Variants in UBE2D1 observed in about 807,000 individuals in gnomAD.
The protein encoded by UBE2D1 is ubiquitin-conjugating enzyme E2 D1.
UBE2D1 carries 9 observed loss-of-function variants against 24.6 expected under a neutral mutation model. That is an observed-to-expected ratio of 0.37 (90% CI 0.22 to 0.64). The LOEUF (loss-of-function observed/expected upper bound fraction) is 0.64. Among genes scored for constraint, UBE2D1 ranks in the 30% least tolerant of loss-of-function variants. The pLI is 0.64. For missense variants in UBE2D1, 87 were observed against 177.1 expected, an observed-to-expected ratio of 0.49 and a Z score of 2.89; for synonymous variants, 57 against 57.6, an observed-to-expected ratio of 0.99 and a Z score of 0.04.
intron 5 of UBE2D1, among the ~76,000 whole-genome samples, chr10:58,365,338 A>G (rs1439287848): frequency 6.6e-6 from 1 of 152,190 alleles, no homozygotes; most frequent in African/African-American, 2.4e-5. Flanking sequence ...AGTAAAAGGA[A>G]GATTTTGGGA....
At chr10:58,339,891 T>G (rs1477833689) in intron 1 of UBE2D1, among the ~76,000 whole-genome samples, 2 of 152,156 alleles carry the variant, frequency 1.3e-5, no homozygotes, top group Non-Finnish European at 2.9e-5. Context: ...TCAAGGATCC[T>G]TCTCTTCCAC....
chr10:58,360,913 T>G (rs536371983), intron 1 of UBE2D1: 128 of 446,350 alleles, frequency 2.9e-4, no homozygotes, highest in African/African-American at 2.5e-3. Context: ...CAAAGTGAGA[T>G]CCTGTCTCAA....
chr10:58,358,863 C>T (rs1022410589), intron 1 of UBE2D1, among the ~76,000 whole-genome samples: 6 of 151,134 alleles, frequency 4.0e-5, no homozygotes, highest in Non-Finnish European at 7.4e-5. Context: ...TGGGTTCAGG[C>T]GACCCTCCTG....
intron 1 of UBE2D1, among the ~76,000 whole-genome samples, chr10:58,355,720 G>T (rs1336018457): frequency 1.3e-5 from 2 of 152,114 alleles, no homozygotes; most frequent in Non-Finnish European, 2.9e-5. Context: ...CAAAAAAGTT[G>T]TTAAAATAAT....
At chr10:58,335,483 C>G (rs962984010) in intron 1 of UBE2D1, among the ~76,000 whole-genome samples, 2 of 152,372 alleles carry the variant, frequency 1.3e-5, no homozygotes, top group African/African-American at 4.8e-5. Context: ...TCCCGGAGCC[C>G]CAGGGTAGAG....
In UBE2D1 at chr10:58,342,490, G is replaced by A. The variant is rs368062910; in HGVS notation, c.24+7265G>A. The stretch of plus-strand genomic sequence containing the variant: ...GCGAGCAGAGTTTGGGAGTAGTATG[G>A]TTGGATTGTCTAGAGAAAACCAAGT... On this transcript the variant is annotated intron_variant, in intron 1 of 6. Coordinates refer to ENST00000373910, the MANE Select transcript of UBE2D1 (RefSeq NM_003338.5). Among the ~76,000 whole-genome samples the A allele has an allele frequency of 4.6e-5, 7 of 152,172 alleles. No homozygotes were observed. In the South Asian group the frequency reaches 6.2e-4, roughly 14 times the overall value.
chr10:58,356,442 A>G (rs1356513289), intron 1 of UBE2D1, among the ~76,000 whole-genome samples: 1 of 152,114 alleles, frequency 6.6e-6, no homozygotes, highest in African/African-American at 2.4e-5. Flanking sequence ...ATAGCTACTC[A>G]GTATTTCATA....
At chr10:58,366,212 A>G (rs527640168) in intron 5 of UBE2D1, among the ~76,000 whole-genome samples, 3 of 152,364 alleles carry the variant, frequency 2.0e-5, no homozygotes, top group African/African-American at 7.2e-5. Flanking sequence ...ACTGCCAGAT[A>G]TTGAGTACTT....
chr10:58,356,527 C>T (rs1840133003), intron 1 of UBE2D1, among the ~76,000 whole-genome samples: 1 of 152,080 alleles, frequency 6.6e-6, no homozygotes, highest in Non-Finnish European at 1.5e-5. Context: ...CATACTTATA[C>T]AAGATGCTGC....
chr10:58,341,477 T>G (rs1349191489), intron 1 of UBE2D1, among the ~76,000 whole-genome samples: 1 of 152,320 alleles, frequency 6.6e-6, no homozygotes, highest in East Asian at 1.9e-4. Context: ...TCCTTGATAC[T>G]GTATTTTTCT....
At chr10:58,367,787 AAATAT>A in intron 5 of UBE2D1, 131 bp from the exon 6 acceptor site, 1 of 446,220 alleles carries the variant, frequency 2.2e-6, no homozygotes, top group Non-Finnish European at 3.8e-6. Context: ...AAGTAGAATA[AAATAT>A]AATTTGATGT....
chr10:58,347,334 A>AT (rs1840027594), intron 1 of UBE2D1, among the ~76,000 whole-genome samples: 1 of 152,180 alleles, frequency 6.6e-6, no homozygotes, highest in Non-Finnish European at 1.5e-5. Context: ...GAATAAATGC[A>AT]TTTTTACTGT....
intron 1 of UBE2D1, among the ~76,000 whole-genome samples, chr10:58,352,812 T>C (rs1588999956): frequency 6.6e-6 from 1 of 152,232 alleles, no homozygotes; most frequent in Non-Finnish European, 1.5e-5. Flanking sequence ...TTATTTTTAC[T>C]AGTTCCTTAT....
At chr10:58,368,120 T>TA (rs1840276942) in intron 6 of UBE2D1, 104 bp downstream of exon 6, 3 of 788,026 alleles carry the variant, frequency 3.8e-6, no homozygotes, top group South Asian at 1.8e-5. Context: ...TTATGGTTGT[T>TA]ATATGTATAT....
At chr10:58,342,311 T>C (rs1357662849) in intron 1 of UBE2D1, among the ~76,000 whole-genome samples, 1 of 152,206 alleles carries the variant, frequency 6.6e-6, no homozygotes. Flanking sequence ...TCATCTCTTT[T>C]AGTGACACCA....
chr10:58,339,823 A>AT (rs1414397540), intron 1 of UBE2D1, among the ~76,000 whole-genome samples: 1 of 152,022 alleles, frequency 6.6e-6, no homozygotes, highest in Non-Finnish European at 1.5e-5. Flanking sequence ...TAACACAAAA[A>AT]TAGTTGCAGT....
intron 5 of UBE2D1, 76 bp downstream of exon 5, chr10:58,364,952 A>G (rs956946206): frequency 8.6e-7 from 1 of 1,164,946 alleles, no homozygotes; most frequent in Non-Finnish European, 1.2e-6. Context: ...CCTATGGACT[A>G]AAGTTTTAAA....
Position 58,344,393 on chromosome 10 carries a change from A to G in UBE2D1, c.24+9168A>G, listed in dbSNP as rs985845039. On this transcript the variant is annotated intron_variant, in intron 1 of 6. Coordinates refer to ENST00000373910, the MANE Select transcript of UBE2D1 (RefSeq NM_003338.5). ...CTAGTTTGGCTTTGTGACCTTGGCC[A>G]GGAGACTCAGTCTTTATACTCCTCA... 2.6e-5 allele frequency among the ~76,000 whole-genome samples: 4 copies of G among 152,342 alleles called. No individual in the cohort carries two copies. The South Asian group carries it at 8.3e-4, about 32-fold the overall frequency.
intron 1 of UBE2D1, among the ~76,000 whole-genome samples, chr10:58,355,390 T>G (rs899278610): frequency 9.9e-5 from 15 of 152,242 alleles, no homozygotes; most frequent in Non-Finnish European, 8.8e-5. Context: ...AAGATTTTTT[T>G]TATTGCAAGT....
Sources: allele counts gnomAD v4.1 joint callset (sites outside exome capture counted in the v4.1 genomes callset), GRCh38; gene constraint gnomAD v4.1.1; transcripts MANE v1.5; gene names NCBI Gene and HGNC (gene_info 2026-07-23, HGNC 2026-07-21).